Variants in SYN3 observed in about 807,000 individuals in gnomAD.
The protein encoded by SYN3 is synapsin III.
Under a neutral mutation model 65.8 loss-of-function variants are expected in SYN3, and 35 were observed. The observed-to-expected ratio is 0.53, with a 90% CI of 0.41 to 0.70. The LOEUF (loss-of-function observed/expected upper bound fraction) is 0.70. Ranked by LOEUF, SYN3 falls within the 30% of genes least tolerant of loss-of-function variation. The probability of loss-of-function intolerance (pLI) is 0.00; values close to 1 mark genes in which losing one functional copy is unlikely to be tolerated. For synonymous variants in SYN3, 270 were observed against 292.9 expected, an observed-to-expected ratio of 0.92 and a Z score of 0.80; for missense variants, 680 against 749.0, an observed-to-expected ratio of 0.91 and a Z score of 1.08.
intron 6 of SYN3, among the ~76,000 whole-genome samples, chr22:32,621,456 C>G (rs2059592784): frequency 6.6e-6 from 1 of 152,090 alleles, no homozygotes; most frequent in Admixed American, 6.5e-5. Context: ...GACTGGGGCT[C>G]TAAAAGAAAA....
intron 6 of SYN3, among the ~76,000 whole-genome samples, chr22:32,698,425 T>C (rs2060767196): frequency 1.3e-5 from 2 of 152,216 alleles, no homozygotes; most frequent in Non-Finnish European, 2.9e-5. Flanking sequence ...TCTCTACCTG[T>C]TCATCTCCCA....
chr22:33,049,553 G>T (rs1013228606), intron 1 of SYN3, among the ~76,000 whole-genome samples: 4 of 152,172 alleles, frequency 2.6e-5, no homozygotes, highest in Non-Finnish European at 5.9e-5. Context: ...ACCACGGGAT[G>T]GTTTTTATTC....
chr22:32,569,559 C>CTATATATATATA (rs1289552626), intron 7 of SYN3, among the ~76,000 whole-genome samples: 27 of 51,196 alleles, frequency 5.3e-4, no homozygotes, highest in Non-Finnish European at 8.8e-4. Flanking sequence ...CTCTCTCTCT[C>CTATATATATATA]TCTCTCTCTC....
chr22:33,055,310 G>C (rs563770745), intron 1 of SYN3, among the ~76,000 whole-genome samples: 2 of 152,194 alleles, frequency 1.3e-5, no homozygotes, highest in East Asian at 3.9e-4. Flanking sequence ...AACTCATCTC[G>C]GGCCACTCCA....
chr22:33,020,633 T>A (rs2053544335), intron 1 of SYN3, among the ~76,000 whole-genome samples: 1 of 152,212 alleles, frequency 6.6e-6, no homozygotes, highest in South Asian at 2.1e-4. Flanking sequence ...AAATTTCTTT[T>A]GCAAGATTGG....
chr22:32,592,605 C>T (rs1212319418), intron 7 of SYN3, among the ~76,000 whole-genome samples: 1 of 152,164 alleles, frequency 6.6e-6, no homozygotes, highest in African/African-American at 2.4e-5. Flanking sequence ...TGCCAGGTTT[C>T]CTCTTACTAG....
intron 4 of SYN3, among the ~76,000 whole-genome samples, chr22:32,917,824 TACA>T (rs548353398): frequency 1.5e-3 from 223 of 152,382 alleles, no homozygotes; most frequent in Admixed American, 2.2e-3. Flanking sequence ...GGCATCGCTT[TACA>T]GGCTCACACT....
intron 2 of SYN3, among the ~76,000 whole-genome samples, chr22:32,996,517 G>A (rs1450598108): frequency 6.6e-6 from 1 of 152,126 alleles, no homozygotes. Flanking sequence ...CAGAGACAGT[G>A]AGTGGCTGGG....
At position 32,837,382 on chromosome 22, in the gene SYN3, C is replaced by A. The variant is rs952799500; in HGVS notation, c.711+27533G>T. ...TGCATGGCAGTAAGCAAGTCGGCGC[C>A]TCTGACCCCTGAGTGGGCTTGAGCT... is the stretch of plus-strand genomic sequence containing the variant. On this transcript the variant is annotated intron_variant, in intron 6 of 13. Coordinates refer to ENST00000358763, the MANE Select transcript of SYN3 (RefSeq NM_003490.4). This position sits in a 1 kb window ranked among gnomAD's most constrained non-coding sequence, Gnocchi z 4.1. Among the ~76,000 whole-genome samples the A allele has an allele frequency of 6.8e-6, 1 of 146,250 alleles. No homozygotes were observed. The highest frequency in any genetic ancestry group is 2.7e-5 in the African/African-American group (1 of 37,476).
At chr22:32,688,048 C>T (rs2147141726) in intron 6 of SYN3, among the ~76,000 whole-genome samples, 1 of 152,310 alleles carries the variant, frequency 6.6e-6, no homozygotes, top group South Asian at 2.1e-4. Context: ...AAGACTGAGT[C>T]AGTCTTGTTC....
intron 6 of SYN3, among the ~76,000 whole-genome samples, chr22:32,813,803 G>A (rs1195436455): frequency 1.3e-5 from 2 of 151,752 alleles, no homozygotes; most frequent in Non-Finnish European, 2.9e-5. Flanking sequence ...TTAATTCCCT[G>A]GTCTCATTTT....
chr22:32,720,684 G>C (rs563437963), intron 6 of SYN3, among the ~76,000 whole-genome samples: 1 of 152,202 alleles, frequency 6.6e-6, no homozygotes, highest in African/African-American at 2.4e-5. Context: ...CCATAAACCC[G>C]GCCTTGTGGC....
rs146571327 is a variant in SYN3, at chr22:32,809,717, G to C, written c.711+55198C>G. On this transcript the variant is annotated intron_variant, in intron 6 of 13. Transcript: ENST00000358763. ...GCTAATATACTAATTAATTATAGCCGAAAGCAAGGACGGTTGGTGTTTTCA... is the reference window on the plus strand; with the variant it reads ...GCTAATATACTAATTAATTATAGCCCAAAGCAAGGACGGTTGGTGTTTTCA... 6.3e-3 allele frequency among the ~76,000 whole-genome samples: 956 copies of C among 152,248 alleles called. 12 individuals carry two copies. The highest frequency in any genetic ancestry group is 0.02 in the African/African-American group (837 of 41,542).
chr22:32,710,433 C>T (rs529655783), intron 6 of SYN3, among the ~76,000 whole-genome samples: 1 of 151,574 alleles, frequency 6.6e-6, no homozygotes, highest in East Asian at 2.0e-4. Context: ...GAGTTCGAGA[C>T]CAGCCTGGCC....
At chr22:32,612,553 T>TA (rs1473569017) in intron 6 of SYN3, among the ~76,000 whole-genome samples, 2 of 152,038 alleles carry the variant, frequency 1.3e-5, no homozygotes, top group Non-Finnish European at 2.9e-5. Context: ...TATAGAGAAA[T>TA]ACTGGAGGCC....
At chr22:32,530,732 C>T (rs186535929) in intron 10 of SYN3, among the ~76,000 whole-genome samples, 16 of 152,074 alleles carry the variant, frequency 1.1e-4, no homozygotes, top group East Asian at 5.8e-4. Flanking sequence ...TGGCTGGGCG[C>T]GGTGGCTCAC....
chr22:33,034,083 G>A (rs528185311), intron 1 of SYN3, among the ~76,000 whole-genome samples: 68 of 151,574 alleles, frequency 4.5e-4, no homozygotes, highest in Non-Finnish European at 9.6e-4. Flanking sequence ...CTACTCGGGA[G>A]GCTGAGGCAA....
At chr22:32,620,471 T>C (rs977073082) in intron 6 of SYN3, among the ~76,000 whole-genome samples, 1 of 152,112 alleles carries the variant, frequency 6.6e-6, no homozygotes, top group Non-Finnish European at 1.5e-5. Context: ...TTTTCTTTTC[T>C]CCTAACGATA....
intron 6 of SYN3, among the ~76,000 whole-genome samples, chr22:32,653,521 A>G (rs2060101775): frequency 6.6e-6 from 1 of 152,222 alleles, no homozygotes; most frequent in South Asian, 2.1e-4. Context: ...AGCCAAACCC[A>G]GAGTCCTTTA....
Sources: allele counts gnomAD v4.1 joint callset (sites outside exome capture counted in the v4.1 genomes callset), GRCh38; gene constraint gnomAD v4.1.1; non-coding constraint Gnocchi (gnomAD v3.1); transcripts MANE v1.5; gene names NCBI Gene and HGNC (gene_info 2026-07-23, HGNC 2026-07-21).